MAGI1: variants seen among roughly 807,000 people sequenced by gnomAD.
MAGI1 encodes the protein membrane associated guanylate kinase, WW and PDZ domain containing 1.
MAGI1 carries 58 observed loss-of-function variants against 139.9 expected under a neutral mutation model. The observed-to-expected ratio is 0.41, with a 90% CI of 0.34 to 0.52. The LOEUF (loss-of-function observed/expected upper bound fraction) is 0.52, where lower values mean the gene tolerates loss of function less well. MAGI1 is among the 20% of genes least tolerant of loss of function. The pLI, the probability that MAGI1 is intolerant of heterozygous loss-of-function variation, is 0.12. For missense variants in MAGI1, 1,874 were observed against 1,901.6 expected, an observed-to-expected ratio of 0.99 and a Z score of 0.27; for synonymous variants, 812 against 737.9, an observed-to-expected ratio of 1.10 and a Z score of -1.63.
At chr3:65,496,677 G>T (rs765469533) in intron 2 of MAGI1, among the ~76,000 whole-genome samples, 10 of 152,166 alleles carry the variant, frequency 6.6e-5, no homozygotes, top group Non-Finnish European at 7.4e-5. Flanking sequence ...GAGAGCATCA[G>T]GGGGATGGAG....
chr3:65,828,566 C>G (rs537890365), intron 1 of MAGI1, among the ~76,000 whole-genome samples: 19 of 152,102 alleles, frequency 1.2e-4, no homozygotes, highest in Non-Finnish European at 2.4e-4. Context: ...TTCCAAACCC[C>G]AAGGGCAGAA....
chr3:65,706,344 A>G (rs1391598024), intron 1 of MAGI1, among the ~76,000 whole-genome samples: 1 of 152,248 alleles, frequency 6.6e-6, no homozygotes, highest in East Asian at 1.9e-4. Context: ...AACTCTTAAA[A>G]GCCTCACTGG....
chr3:65,429,449 T>C (rs1413133476), intron 12 of MAGI1, 71 bp downstream of exon 12: 1 of 1,462,312 alleles, frequency 6.8e-7, no homozygotes, highest in Admixed American at 2.2e-5. Context: ...AGTGGTCATC[T>C]GAAGATGAGT....
chr3:65,921,092 C>T (rs2062157924), intron 1 of MAGI1, among the ~76,000 whole-genome samples: 1 of 151,710 alleles, frequency 6.6e-6, no homozygotes, highest in African/African-American at 2.4e-5. Flanking sequence ...TACTGCCAAA[C>T]TGAGTTCAGT....
intron 1 of MAGI1, among the ~76,000 whole-genome samples, chr3:65,905,422 A>ATT (rs36093494): frequency 4.7e-5 from 7 of 149,220 alleles, no homozygotes; most frequent in African/African-American, 9.8e-5. Flanking sequence ...TCTATGAAAT[A>ATT]TTTTTTTTTT....
rs1021405920 is a variant in MAGI1 at position 65,658,316 on chromosome 3, C to T, written c.314-36228G>A. 5.3e-5 allele frequency among the ~76,000 whole-genome samples: 8 copies of T among 152,158 alleles called. No homozygotes were observed. The South Asian group carries it at 8.3e-4, about 16-fold the overall frequency. On this transcript the variant is annotated intron_variant, in intron 1 of 22. Transcript: ENST00000402939. ...GGACGCGATGGACCAAATAGCAATA[C>T]ATCAGTACAGGAACAAAACTTCCTG...
intron 1 of MAGI1, among the ~76,000 whole-genome samples, chr3:65,938,053 T>A (rs978407982): frequency 6.6e-6 from 1 of 151,958 alleles, no homozygotes; most frequent in African/African-American, 2.4e-5. Flanking sequence ...ATATTATGGG[T>A]CAATATGATC....
At chr3:65,535,356 C>T (rs1488561373) in intron 2 of MAGI1, among the ~76,000 whole-genome samples, 1 of 152,152 alleles carries the variant, frequency 6.6e-6, no homozygotes, top group African/African-American at 2.4e-5. Flanking sequence ...GGCAGGTGAA[C>T]TAAATGAGAT....
intron 3 of MAGI1, among the ~76,000 whole-genome samples, chr3:65,487,212 C>G (rs1014317327): frequency 6.6e-6 from 1 of 152,206 alleles, no homozygotes; most frequent in Non-Finnish European, 1.5e-5. Flanking sequence ...CTTGATTCCA[C>G]AGACATCCAC....
intron 10 of MAGI1, among the ~76,000 whole-genome samples, chr3:65,435,578 G>T (rs1467580184): frequency 6.6e-6 from 1 of 151,924 alleles, no homozygotes; most frequent in Non-Finnish European, 1.5e-5. Context: ...GCCTAGTTTG[G>T]GATTATCTCA....
chr3:65,849,226 T>C (rs1258841281), intron 1 of MAGI1, among the ~76,000 whole-genome samples: 1 of 151,226 alleles, frequency 6.6e-6, no homozygotes, highest in Non-Finnish European at 1.5e-5. Context: ...GGTTTCGCCA[T>C]GTTGGCCAGG....
intron 1 of MAGI1, among the ~76,000 whole-genome samples, chr3:65,893,576 C>T (rs970355251): frequency 1.3e-5 from 2 of 152,144 alleles, no homozygotes; most frequent in East Asian, 3.9e-4. Context: ...TACGCGAGTC[C>T]CATTTACAAT....
At chr3:65,539,444 A>G (rs2079110359) in intron 2 of MAGI1, among the ~76,000 whole-genome samples, 1 of 152,232 alleles carries the variant, frequency 6.6e-6, no homozygotes, top group African/African-American at 2.4e-5. Context: ...GCTACTGTCA[A>G]AGAGAAAACC....
At chr3:65,465,539 C>T (rs1950112266) in intron 5 of MAGI1, among the ~76,000 whole-genome samples, 1 of 152,040 alleles carries the variant, frequency 6.6e-6, no homozygotes. Context: ...TCTTTTCTTT[C>T]AGCACTAGAA....
At chr3:65,834,108 T>A (rs2042675570) in intron 1 of MAGI1, among the ~76,000 whole-genome samples, 1 of 152,114 alleles carries the variant, frequency 6.6e-6, no homozygotes, top group African/African-American at 2.4e-5. Flanking sequence ...AGCTGATAGA[T>A]AAACAACAAA....
intron 2 of MAGI1, among the ~76,000 whole-genome samples, chr3:65,515,393 C>T (rs2077818499): frequency 6.6e-6 from 1 of 151,730 alleles, no homozygotes. Context: ...TTTTGTTTTA[C>T]ATAAGCAAAA....
At chr3:65,857,280 A>G (rs1368173973) in intron 1 of MAGI1, among the ~76,000 whole-genome samples, 2 of 152,248 alleles carry the variant, frequency 1.3e-5, no homozygotes. Flanking sequence ...GTACTGGTTC[A>G]GATTTTATGA....
chr3:65,853,639 G>A (rs73832980), intron 1 of MAGI1, among the ~76,000 whole-genome samples: 20,204 of 152,124 alleles, frequency 0.13, 3,969 homozygotes, highest in African/African-American at 0.43. Context: ...AGTAAAACCT[G>A]AGACGTATCC....
intron 1 of MAGI1, among the ~76,000 whole-genome samples, chr3:65,650,796 T>C (rs576722653): frequency 6.6e-6 from 1 of 152,326 alleles, no homozygotes; most frequent in Non-Finnish European, 1.5e-5. Context: ...ATTTAAGCAG[T>C]GCTCCCAGGT....
Sources: gnomAD v4.1 joint callset for allele counts (sites outside exome capture counted in the v4.1 genomes callset) on GRCh38, gnomAD v4.1.1 for gene constraint, MANE v1.5 for transcripts, NCBI Gene and HGNC (gene_info 2026-07-23, HGNC 2026-07-21) for gene names.